Variants in FSTL1 observed in about 807,000 individuals in gnomAD.
FSTL1 encodes follistatin-related protein 1.
FSTL1 carries 24 observed loss-of-function variants against 45.9 expected under a neutral mutation model. That is an observed-to-expected ratio of 0.52 (90% confidence interval 0.38 to 0.74). The LOEUF is 0.74. FSTL1 is among the 30% of genes least tolerant of loss of function. The pLI, the probability that FSTL1 is intolerant of heterozygous loss-of-function variation, is 0.00. For missense variants in FSTL1, 340 were observed against 381.8 expected (o/e 0.89, Z 0.91); for synonymous variants, 120 against 137.6 (o/e 0.87, Z 0.89).
intron 2 of FSTL1, among the ~76,000 whole-genome samples, chr3:120,416,402 C>G (rs1937187814): frequency 6.6e-6 from 1 of 152,172 alleles, no homozygotes; most frequent in African/African-American, 2.4e-5. Context: ...CCATGACTCT[C>G]AGAGGAAACT....
intron 10 of FSTL1, among the ~76,000 whole-genome samples, chr3:120,399,675 T>G (rs567064687): frequency 2.6e-5 from 4 of 152,278 alleles, no homozygotes; most frequent in Non-Finnish European, 5.9e-5. Context: ...AACCTATATG[T>G]GTTGAGACCT....
intron 2 of FSTL1, among the ~76,000 whole-genome samples, chr3:120,420,981 CAAGCAAATGGAG>C (rs1559739582): frequency 6.6e-6 from 1 of 152,170 alleles, no homozygotes; most frequent in African/African-American, 2.4e-5. Flanking sequence ...AAGATCTTTG[CAAGCAAATGGAG>C]AAGCAAGTTA....
chr3:120,405,322 T>G (rs752640720), intron 6 of FSTL1, among the ~76,000 whole-genome samples: 2 of 152,208 alleles, frequency 1.3e-5, no homozygotes, highest in Non-Finnish European at 2.9e-5. Flanking sequence ...CAAGCCCTGA[T>G]GAACATGTAA....
At chr3:120,400,692 GCTTCAAATTT>G (rs1936804262) in intron 9 of FSTL1, among the ~76,000 whole-genome samples, 1 of 152,108 alleles carries the variant, frequency 6.6e-6, no homozygotes, top group Non-Finnish European at 1.5e-5. Context: ...CCTCCTCCTG[GCTTCAAATTT>G]TGATGCCCCT....
intron 6 of FSTL1, among the ~76,000 whole-genome samples, chr3:120,407,166 T>C (rs1936962982): frequency 6.6e-6 from 1 of 152,226 alleles, no homozygotes; most frequent in South Asian, 2.1e-4. Context: ...TGTAGGGTTG[T>C]GGAAAGGCAG....
chr3:120,403,750 G>A (rs1179738354), intron 7 of FSTL1, among the ~76,000 whole-genome samples: 1 of 151,838 alleles, frequency 6.6e-6, no homozygotes, highest in East Asian at 1.9e-4. Flanking sequence ...CAGATGACAT[G>A]AAAGGAATAT....
intron 2 of FSTL1, chr3:120,438,409 G>A (rs1170355435): frequency 2.0e-5 from 3 of 152,126 alleles, no homozygotes; most frequent in Non-Finnish European, 4.4e-5. Context: ...GGATTCCTGG[G>A]CATGAAGACT....
chr3:120,415,463 A>G (rs1213676957), intron 3 of FSTL1, among the ~76,000 whole-genome samples: 2 of 152,262 alleles, frequency 1.3e-5, no homozygotes, highest in Middle Eastern at 6.3e-3. Context: ...CAAACTGTAT[A>G]TATCTATATC....
rs889771963 is a variant in FSTL1, at chr3:120,395,488, G to T, written c.*1464C>A. ...AGGGAATGCTTTCTATTTCCAGCCG[G>T]AGGTTAAACATGAAATGCAAATATG... On this transcript the variant is annotated 3_prime_UTR_variant, in exon 11 of 11. Coordinates refer to ENST00000295633, the MANE Select transcript of FSTL1 (RefSeq NM_007085.5). The T allele has an allele frequency of 2.6e-6, 1 of 390,050 alleles. No homozygotes were observed. The allele number at this position is 390,050 out of a possible 1,614,324, so 24.2% of individuals were successfully genotyped here. A position where few individuals can be genotyped will look rare whatever the true frequency, so the allele number is the denominator to read the frequency against.
chr3:120,419,429 G>A (rs1469612603), intron 2 of FSTL1: 5 of 152,224 alleles, frequency 3.3e-5, no homozygotes, highest in South Asian at 2.1e-4. Context: ...CATCCCCGAG[G>A]TGCCTAGAAA....
At chr3:120,420,724 G>T (rs985946518) in intron 2 of FSTL1, among the ~76,000 whole-genome samples, 2 of 152,286 alleles carry the variant, frequency 1.3e-5, no homozygotes, top group Non-Finnish European at 1.5e-5. Context: ...TTTTTAGATA[G>T]GCAGGCAGGG....
chr3:120,428,235 G>A (rs1379117946), intron 2 of FSTL1, among the ~76,000 whole-genome samples: 1 of 152,180 alleles, frequency 6.6e-6, no homozygotes, highest in Non-Finnish European at 1.5e-5. Flanking sequence ...ACGAGTTGCC[G>A]GGACAGCAAA....
intron 3 of FSTL1, among the ~76,000 whole-genome samples, chr3:120,412,390 T>C (rs1363608551): frequency 2.0e-5 from 3 of 152,192 alleles, no homozygotes; most frequent in Admixed American, 2.0e-4. Flanking sequence ...TAAAACAGTC[T>C]TCCTACAGCA....
At chr3:120,416,370 C>T (rs1937187428) in intron 2 of FSTL1, among the ~76,000 whole-genome samples, 1 of 152,172 alleles carries the variant, frequency 6.6e-6, no homozygotes, top group African/African-American at 2.4e-5. Context: ...ATACAAAGGA[C>T]AGACCCTGTC....
At chr3:120,449,367 T>C (rs1038875472) in intron 2 of FSTL1, among the ~76,000 whole-genome samples, 2 of 152,166 alleles carry the variant, frequency 1.3e-5, no homozygotes, top group African/African-American at 4.8e-5. Flanking sequence ...TGTTAAACCA[T>C]TGTGCTTGGA....
At chr3:120,443,073 C>A (rs1937659984) in intron 2 of FSTL1, among the ~76,000 whole-genome samples, 1 of 147,616 alleles carries the variant, frequency 6.8e-6, no homozygotes, top group African/African-American at 2.7e-5. Flanking sequence ...TGCACATGTA[C>A]CCTAAAACTT....
At chr3:120,404,665 T>C (rs1936911383) in intron 7 of FSTL1, among the ~76,000 whole-genome samples, 188 bp downstream of exon 7, 1 of 152,256 alleles carries the variant, frequency 6.6e-6, no homozygotes, top group African/African-American at 2.4e-5. Context: ...ACTATTTGAT[T>C]AGATATCAGT....
chr3:120,417,901 G>A (rs1204334039), intron 2 of FSTL1, among the ~76,000 whole-genome samples: 1 of 152,098 alleles, frequency 6.6e-6, no homozygotes, highest in Non-Finnish European at 1.5e-5. Flanking sequence ...ATAAAGTAGG[G>A]GTAAATGCCA....
At chr3:120,440,449 G>C (rs951537281) in intron 2 of FSTL1, among the ~76,000 whole-genome samples, 4 of 152,220 alleles carry the variant, frequency 2.6e-5, no homozygotes, top group African/African-American at 9.6e-5. Flanking sequence ...ATTTTTCAGA[G>C]CTCAGCTGGT....
Sources: gnomAD v4.1 joint callset for allele counts (sites outside exome capture counted in the v4.1 genomes callset) on GRCh38, gnomAD v4.1.1 for gene constraint, MANE v1.5 for transcripts, NCBI Gene and HGNC (gene_info 2026-07-23, HGNC 2026-07-21) for gene names.